SLX4: variants seen among roughly 807,000 people sequenced by gnomAD.
The protein encoded by SLX4 is structure-specific endonuclease subunit SLX4.
A neutral mutation model predicts 146.2 loss-of-function variants in SLX4; 112 were observed. The ratio of observed to expected loss-of-function variants is 0.77; its 90% CI spans 0.66 to 0.90. The LOEUF (loss-of-function observed/expected upper bound fraction) is 0.90. Among genes scored for constraint, SLX4 ranks in the 40% least tolerant of loss-of-function variants. SLX4 has a pLI of 0.00. For missense variants in SLX4, 2,563 were observed against 2,392.7 expected, an observed-to-expected ratio of 1.07 and a Z score of -1.49; for synonymous variants, 1,061 against 997.7, an observed-to-expected ratio of 1.06 and a Z score of -1.20.
Position 3,597,364 on chromosome 16 carries a change from A to G in SLX4, c.1683+15T>C, listed in dbSNP as rs1215077519. The G allele has an allele frequency of 1.3e-6, 2 of 1,529,960 alleles. No individual in the cohort carries two copies. Among genetic ancestry groups the G allele is most frequent in the Admixed American group, 4.1e-5 (2 of 49,080 alleles). 94.8% of individuals were successfully genotyped at this position (1,529,960 alleles called of 1,614,324 possible). On this transcript the variant is annotated intron_variant, in intron 7 of 14. Transcript: ENST00000294008. This position sits in a 1 kb window ranked among gnomAD's most constrained non-coding sequence, Gnocchi z 4.4. ...CCCCAAAAGCCTATCCATGTGCCTG[A>G]GGGGAGGGACTCACCTGGGCAGGCC... is the stretch of plus-strand genomic sequence containing the variant.
intron 9 of SLX4, among the ~76,000 whole-genome samples, chr16:3,594,824 T>C (rs1040941350): frequency 3.9e-5 from 6 of 152,214 alleles, no homozygotes; most frequent in South Asian, 2.1e-4. Context: ...CTCTGGCTCT[T>C]GCCAGTGGGT....
At chr16:3,588,878 G>A (rs1035748993) in intron 12 of SLX4, 124 bp downstream of exon 12, 1 of 1,219,392 alleles carries the variant, frequency 8.2e-7, no homozygotes, top group African/African-American at 1.5e-5. Flanking sequence ...CAGCGGAAGT[G>A]TCATGCCTCA....
intron 5 of SLX4, among the ~76,000 whole-genome samples, chr16:3,600,031 T>C (rs771809870): frequency 6.6e-6 from 1 of 152,158 alleles, no homozygotes; most frequent in Non-Finnish European, 1.5e-5. Context: ...AAAGCAGTAG[T>C]CCCCAACCTT....
At position 3,597,087 on chromosome 16, in the gene SLX4, C is replaced by T. The variant is rs1390358368; in HGVS notation, c.1683+292G>A. On this transcript the variant is annotated intron_variant, in intron 7 of 14. Coordinates refer to ENST00000294008, the MANE Select transcript of SLX4 (RefSeq NM_032444.4). The surrounding 1 kb of genome is among the most constrained non-coding windows in gnomAD (Gnocchi z 4.4). The stretch of plus-strand genomic sequence containing the variant: ...CCGCCCACCTCAGCCTCCCAAAGTG[C>T]AGGGATTACGGGCGTGAGCCACTGC... Among the ~76,000 whole-genome samples the T allele has an allele frequency of 5.3e-5, 8 of 152,170 alleles. No individual in the cohort carries two copies. The highest frequency in any genetic ancestry group is 2.1e-4 in the South Asian group (1 of 4,834).
At chr16:3,604,245 A>C (rs1219832259) in intron 3 of SLX4, among the ~76,000 whole-genome samples, 1 of 151,244 alleles carries the variant, frequency 6.6e-6, no homozygotes, top group Non-Finnish European at 1.5e-5. Flanking sequence ...AGTCAGTGTC[A>C]TGGAAAACAA....
In SLX4 at chr16:3,597,831, T is replaced by C; in HGVS notation, c.1332A>G (p.Glu444=). ...GTCTTATCCTCTCAGAAAAGGCACT[T>C]TCCAGCCTGAGCGCTGGTACAGCCG... ...PGAAVPALRL[E]SAFSERIRPE... is the part of the protein sequence containing the mutation. Residue 444 remains glutamate (E), a synonymous_variant, in exon 6 of 15, where the codon GAA becomes GAG. Transcript: ENST00000294008. This position sits in a 1 kb window ranked among gnomAD's most constrained non-coding sequence, Gnocchi z 4.4. The C allele has an allele frequency of 6.2e-7, 1 of 1,614,118 alleles. No homozygotes were observed. The highest frequency in any genetic ancestry group is 8.5e-7 in the Non-Finnish European group (1 of 1,180,016).
chr16:3,605,743 C>T (rs369394445), intron 3 of SLX4, among the ~76,000 whole-genome samples: 1 of 148,898 alleles, frequency 6.7e-6, no homozygotes, highest in African/African-American at 2.5e-5. Flanking sequence ...GTCAGGAGAT[C>T]GAGACCATCC....
At chr16:3,596,057 G>T in intron 8 of SLX4, 96 bp downstream of exon 8, 1 of 1,471,524 alleles carries the variant, frequency 6.8e-7, no homozygotes, top group Non-Finnish European at 9.0e-7. Flanking sequence ...AGCTGCCGTC[G>T]CGGCGGCACA....
Position 3,589,943 on chromosome 16 carries a change from C to T in SLX4, c.3695G>A (p.Arg1232Lys), listed in dbSNP as rs750404614. The change falls in exon 12 of 15, where the codon AGA (arginine) becomes AAA (lysine). Residue 1232 changes from arginine (R) to lysine (K), a missense_variant. By Grantham distance (26) the Arg-to-Lys change is conservative. Coordinates refer to ENST00000294008, the MANE Select transcript of SLX4 (RefSeq NM_032444.4). The surrounding 1 kb of genome is among the most constrained non-coding windows in gnomAD (Gnocchi z 6.2). ...GTCACAGAACAGCCAGGGAGCCCCT[C>T]TCCTGCCCAAAGAGCCCCGATTCTC... ...LPENRGSLGR[R>K]GAPWLFCDRE... The T allele has an allele frequency of 2.5e-6, 4 of 1,613,860 alleles. No individual in the cohort carries two copies. In the Admixed American group the frequency reaches 6.7e-5, roughly 27 times the overall value.
Position 3,598,198 on chromosome 16 carries a change from A to G in SLX4, c.1164-199T>C, listed in dbSNP as rs2151132285. Among the ~76,000 whole-genome samples, 2 of 152,340 alleles carry G rather than the reference A, an allele frequency of 1.3e-5. 1 individual carries two copies. Among genetic ancestry groups the G allele is most frequent in the South Asian group, 4.1e-4 (2 of 4,830 alleles). On this transcript the variant is annotated intron_variant, in intron 5 of 14. Transcript: ENST00000294008. ...CAGAAGTTCAACATGGCCCAGGCAC[A>G]GGAGGGTCTGGGTTCCTTCACGTGC...
chr16:3,601,836 G>A, intron 4 of SLX4: 1 of 431,876 alleles, frequency 2.3e-6, no homozygotes, highest in Non-Finnish European at 4.3e-6. Context: ...AATGGGTGTG[G>A]GGATTCTTTT....
intron 8 of SLX4, among the ~76,000 whole-genome samples, chr16:3,595,935 C>T (rs1409258090): frequency 6.6e-6 from 1 of 152,252 alleles, no homozygotes. Context: ...GGGCAGACAG[C>T]TCTGTCTTTG....
In SLX4 at chr16:3,599,544, A is replaced by T. The variant is rs546883098; in HGVS notation, c.1163+1435T>A. ...AAGCATTAATTCATGCAAGATTTTT[A>T]AAAAATAGGGTCCTACACTTCTGTT... On this transcript the variant is annotated intron_variant, in intron 5 of 14. Transcript: ENST00000294008. 1.6e-4 allele frequency among the ~76,000 whole-genome samples: 25 copies of T among 152,354 alleles called. No homozygotes were observed. The East Asian group carries it at 2.9e-3, about 18-fold the overall frequency.
At position 3,602,101 on chromosome 16, in the gene SLX4, G is replaced by A. The variant is rs374558476; in HGVS notation, c.950+17C>T. 38 of 1,613,842 alleles carry A rather than the reference G, an allele frequency of 2.4e-5. No individual in the cohort carries two copies. Among genetic ancestry groups the A allele is most frequent in the Non-Finnish European group, 2.9e-5 (34 of 1,179,994 alleles). On this transcript the variant is annotated intron_variant, in intron 4 of 14. Transcript: ENST00000294008. The stretch of plus-strand genomic sequence containing the variant: ...GGTCACATACACGGGAGAGGCGACG[G>A]CCCAAGCTGCCCCCACCTGTTCACA...
chr16:3,589,570 C>T lies in SLX4; in HGVS notation c.4068G>A (p.Pro1356=), dbSNP rs115491049. Residue 1356 remains proline (P), a synonymous_variant, in exon 12 of 15, where the codon CCG becomes CCA. Coordinates refer to ENST00000294008, the MANE Select transcript of SLX4 (RefSeq NM_032444.4). This position sits in a 1 kb window ranked among gnomAD's most constrained non-coding sequence, Gnocchi z 6.2. ...CCCCTGAGATGGGATGTGGAGCCAG[C>T]GGAGAGGAGTGCGGGTGGCCCCCGG... ...PHPGGHPHSS[P]LAPHPISGDR... The T allele has an allele frequency of 7.1e-4, 1,152 of 1,612,914 alleles. 10 individuals are homozygous for T. In the African/African-American group the frequency reaches 0.013, roughly 18 times the overall value.
chr16:3,591,181 C>T lies in SLX4; in HGVS notation c.2457G>A (p.Leu819=), dbSNP rs148026020. 171 of 1,614,086 alleles carry T rather than the reference C, an allele frequency of 1.1e-4. No homozygotes were observed. The highest frequency in any genetic ancestry group is 1.4e-4 in the Non-Finnish European group (167 of 1,180,060). ...ESRAENFQEL[L]RSMWADEEEE... is the part of the protein sequence containing the mutation. ...CCTCTTCATCTGCCCACATTGACCT[C>T]AAGAGTTCCTGGAAATTCTCGGCCC... is the stretch of plus-strand genomic sequence containing the variant. The change falls in exon 12 of 15, where the codon TTG becomes TTA. Residue 819 remains leucine (L), a synonymous_variant. Transcript: ENST00000294008.
chr16:3,583,040 C>CG (rs1343689871), intron 14 of SLX4, 57 bp downstream of exon 14: 5 of 1,595,186 alleles, frequency 3.1e-6, no homozygotes, highest in Middle Eastern at 1.6e-4. Flanking sequence ...CCAACCCTCA[C>CG]GCCCACGGGC....
chr16:3,582,270 C>G lies in SLX4; in HGVS notation c.*72G>C. 2 of 1,396,496 alleles carry G rather than the reference C, an allele frequency of 1.4e-6. No individual in the cohort carries two copies. Among genetic ancestry groups the G allele is most frequent in the Non-Finnish European group, 2.0e-6 (2 of 1,014,110 alleles). 86.5% of individuals were successfully genotyped at this position (1,396,496 alleles called of 1,614,324 possible). A position where few individuals can be genotyped will look rare whatever the true frequency, so the allele number is the denominator to read the frequency against. ...GGAGGCCTGACCCACGCTGGGTGTC[C>G]CAGGTCCTCCCTGCAAATGGCGGGG... On this transcript the variant is annotated 3_prime_UTR_variant, in exon 15 of 15. Transcript: ENST00000294008.
chr16:3,598,988 A>G (rs2040698377), intron 5 of SLX4, among the ~76,000 whole-genome samples: 1 of 152,204 alleles, frequency 6.6e-6, no homozygotes. Flanking sequence ...CCATGAGGGC[A>G]TCCAGCTCCT....
Sources: allele counts gnomAD v4.1 joint callset (sites outside exome capture counted in the v4.1 genomes callset), GRCh38; gene constraint gnomAD v4.1.1; non-coding constraint Gnocchi (gnomAD v3.1); transcripts MANE v1.5; gene names NCBI Gene and HGNC (gene_info 2026-07-23, HGNC 2026-07-21).